HTR2C: variants seen among roughly 807,000 people sequenced by gnomAD.
The protein encoded by HTR2C is 5-hydroxytryptamine receptor 2C.
A neutral mutation model predicts 21.0 loss-of-function variants in HTR2C; 5 were observed. The ratio of observed to expected loss-of-function variants is 0.24; its 90% CI spans 0.12 to 0.50. The LOEUF (loss-of-function observed/expected upper bound fraction) is 0.50. Among genes scored for constraint, HTR2C ranks in the 20% least tolerant of loss-of-function variants. The pLI is 0.98. For missense variants in HTR2C, 271 were observed against 371.2 expected (o/e 0.73, Z 2.22); for synonymous variants, 150 against 145.3 (o/e 1.03, Z -0.23).
intron 2 of HTR2C, among the ~76,000 whole-genome samples, chrX:114,649,746 G>A (rs1054571349): frequency 1.8e-5 from 2 of 110,649 alleles, no homozygotes; most frequent in South Asian, 3.9e-4. Flanking sequence ...CTCCTGAGTA[G>A]CTGGGATTAC....
chrX:114,659,698 T>C (rs1930915406), intron 2 of HTR2C, among the ~76,000 whole-genome samples: 1 of 110,177 alleles, frequency 9.1e-6, no homozygotes, highest in Admixed American at 9.8e-5. Context: ...ATATAGTCAA[T>C]ATATTGTAAT....
chrX:114,743,164 A>G (rs1365645336), intron 4 of HTR2C, among the ~76,000 whole-genome samples: 3 of 84,592 alleles, frequency 3.5e-5, no homozygotes, highest in African/African-American at 1.3e-4. Context: ...AGTCTTTGCT[A>G]TTGTGAATAG....
At chrX:114,678,197 T>C (rs1461310820) in intron 2 of HTR2C, among the ~76,000 whole-genome samples, 1 of 109,872 alleles carries the variant, frequency 9.1e-6, no homozygotes, top group Non-Finnish European at 1.9e-5. Flanking sequence ...TATTAAACAT[T>C]GATCAGACAG....
intron 2 of HTR2C, among the ~76,000 whole-genome samples, chrX:114,712,512 T>A (rs1214447089): frequency 8.9e-6 from 1 of 112,377 alleles, no homozygotes; most frequent in African/African-American, 3.2e-5. Context: ...TACCATAATA[T>A]GCGTATTATA....
At chrX:114,718,053 C>T (rs1195786483) in intron 2 of HTR2C, among the ~76,000 whole-genome samples, 2 of 111,005 alleles carry the variant, frequency 1.8e-5, no homozygotes, top group Admixed American at 9.7e-5. Flanking sequence ...GACAGGGTCT[C>T]ACTGTGTCAC....
intron 2 of HTR2C, among the ~76,000 whole-genome samples, chrX:114,615,796 C>T (rs781842037): frequency 2.7e-5 from 3 of 111,948 alleles, no homozygotes; most frequent in African/African-American, 9.7e-5. Context: ...CTGTGCACCC[C>T]TCTTTGTACA....
chrX:114,678,117 A>G (rs1210856505), intron 2 of HTR2C, among the ~76,000 whole-genome samples: 1 of 111,429 alleles, frequency 9.0e-6, no homozygotes, highest in Non-Finnish European at 1.9e-5. Flanking sequence ...CCCCAGCATA[A>G]TTCAAGGTAA....
intron 2 of HTR2C, among the ~76,000 whole-genome samples, chrX:114,714,363 T>G (rs781905491): frequency 8.9e-6 from 1 of 112,117 alleles, no homozygotes; most frequent in South Asian, 3.7e-4. Context: ...GGCAGAAGAT[T>G]TTTTAAAATA....
intron 5 of HTR2C, among the ~76,000 whole-genome samples, chrX:114,900,918 C>A (rs1468231992): frequency 8.9e-6 from 1 of 112,104 alleles, no homozygotes; most frequent in Non-Finnish European, 1.9e-5. Flanking sequence ...CAGAACACTC[C>A]TTCCCTTTGT....
rs192697719 is a variant in HTR2C, at chrX:114,585,920, G to T, written c.-147+1261G>T. Among the ~76,000 whole-genome samples the T allele has an allele frequency of 6.7e-4, 74 of 110,076 alleles. 1 individual carries two copies. Among genetic ancestry groups the T allele is most frequent in the Admixed American group, 5.2e-3 (53 of 10,287 alleles). ...TGGTTGAGCTAAGATGATTTGGGGG[G>T]CGGGGGGTGAGGAAATGCGGCGCAC... On this transcript the variant is annotated intron_variant, in intron 1 of 5. Transcript: ENST00000276198.
intron 2 of HTR2C, among the ~76,000 whole-genome samples, chrX:114,655,043 A>G (rs1930733038): frequency 9.1e-6 from 1 of 109,844 alleles, no homozygotes; most frequent in South Asian, 3.8e-4. Context: ...AGAAAAGAAA[A>G]AAAAAAAAAG....
intron 2 of HTR2C, among the ~76,000 whole-genome samples, chrX:114,688,865 T>C (rs930721538): frequency 9.1e-6 from 1 of 110,215 alleles, no homozygotes; most frequent in Non-Finnish European, 1.9e-5. Flanking sequence ...ATTTTCTGGG[T>C]ACAGGTGGTT....
At chrX:114,755,904 G>A (rs1356363754) in intron 4 of HTR2C, among the ~76,000 whole-genome samples, 3 of 110,763 alleles carry the variant, frequency 2.7e-5, no homozygotes, top group African/African-American at 9.8e-5. Context: ...GAGACCAGGA[G>A]TTTGAGGACA....
chrX:114,632,492 A>G (rs1161791260), intron 2 of HTR2C, among the ~76,000 whole-genome samples: 1 of 112,165 alleles, frequency 8.9e-6, no homozygotes, highest in East Asian at 2.8e-4. Flanking sequence ...AGTTAAAAAT[A>G]TATATCTCAA....
At chrX:114,596,716 T>C (rs920963240) in intron 1 of HTR2C, among the ~76,000 whole-genome samples, 16 of 112,119 alleles carry the variant, frequency 1.4e-4, no homozygotes, top group African/African-American at 5.2e-4. Context: ...TGATTTCCAA[T>C]TACTTTCCCC....
intron 2 of HTR2C, chrX:114,630,975 A>G: frequency 3.6e-6 from 1 of 279,607 alleles, no homozygotes; most frequent in African/African-American, 2.7e-5. Flanking sequence ...GGAGAGACAG[A>G]TCCAGGCAGC....
chrX:114,709,695 G>A (rs1377662416), intron 2 of HTR2C, among the ~76,000 whole-genome samples: 2 of 111,446 alleles, frequency 1.8e-5, no homozygotes, highest in Admixed American at 9.6e-5. Flanking sequence ...TTAGGACAAC[G>A]ATTTCTTTGC....
At chrX:114,754,808 G>A (rs1271127272) in intron 4 of HTR2C, among the ~76,000 whole-genome samples, 1 of 111,830 alleles carries the variant, frequency 8.9e-6, no homozygotes, top group Non-Finnish European at 1.9e-5. Flanking sequence ...CTTTTGCTCT[G>A]CAAAAGAGCC....
At chrX:114,709,677 T>TA (rs1932862748) in intron 2 of HTR2C, among the ~76,000 whole-genome samples, 1 of 111,733 alleles carries the variant, frequency 8.9e-6, no homozygotes, top group African/African-American at 3.3e-5. Flanking sequence ...TAGGAATTAA[T>TA]ACAGATTTTA....
Sources: allele counts gnomAD v4.1 joint callset (sites outside exome capture counted in the v4.1 genomes callset), GRCh38; gene constraint gnomAD v4.1.1; transcripts MANE v1.5; gene names NCBI Gene and HGNC (gene_info 2026-07-23, HGNC 2026-07-21).